APLP1: variants seen among roughly 807,000 people sequenced by gnomAD.
APLP1 encodes amyloid beta (A4) precursor-like protein 1.
Under a neutral mutation model 84.5 loss-of-function variants are expected in APLP1, and 46 were observed. The ratio of observed to expected loss-of-function variants is 0.54; its 90% CI spans 0.43 to 0.70. The LOEUF is 0.70. APLP1 is among the 30% of genes least tolerant of loss of function. APLP1 has a pLI of 0.00. For missense variants in APLP1, 826 were observed against 900.2 expected, an observed-to-expected ratio of 0.92 and a Z score of 1.05; for synonymous variants, 376 against 364.0, an observed-to-expected ratio of 1.03 and a Z score of -0.38.
At chr19:35,873,151 C>T (rs577164263) in intron 7 of APLP1, among the ~76,000 whole-genome samples, 68 of 152,040 alleles carry the variant, frequency 4.5e-4, no homozygotes, top group African/African-American at 1.6e-3. Flanking sequence ...TGAGCCACCA[C>T]GCCTGGCCTC....
chr19:35,871,979 G>A lies in APLP1; in HGVS notation c.793G>A (p.Glu265Lys). 6.2e-7 allele frequency: 1 copy of A among 1,614,170 alleles called. No individual in the cohort carries two copies. Among genetic ancestry groups the A allele is most frequent in the East Asian group, 2.2e-5 (1 of 44,874 alleles). ...CTTCGTGGAGCCTCCGCAGGCTGAA[G>A]AGGAAGAGGAAACGGTCCCACCCCC... ...DYFVEPPQAE[E>K]EEETVPPPSS... The change falls in exon 6 of 17, where the codon GAG (glutamate) becomes AAG (lysine). Residue 265 changes from glutamate (E) to lysine (K), a missense_variant. This residue lies in a region of APLP1 where 383 missense variants were observed against 378.3 expected (regional missense o/e 1.01). Transcript: ENST00000221891.
intron 13 of APLP1, 146 bp from the exon 14 acceptor site, chr19:35,878,438 C>A: frequency 1.3e-6 from 1 of 789,418 alleles, no homozygotes; most frequent in Non-Finnish European, 2.1e-6. Context: ...CCCAGCTGCT[C>A]AGGAGGCTGA....
chr19:35,869,320 G>C (rs1027746762), intron 1 of APLP1: 1 of 539,488 alleles, frequency 1.9e-6, no homozygotes, highest in Admixed American at 3.8e-5. Context: ...GCAAGGGATG[G>C]AGGGAGGAGG....
intron 11 of APLP1, among the ~76,000 whole-genome samples, chr19:35,877,512 A>C (rs866259398): frequency 3.3e-5 from 5 of 151,312 alleles, no homozygotes; most frequent in Admixed American, 6.6e-5. Flanking sequence ...CAAAAAAAAA[A>C]CATAATCTTG....
In APLP1 at chr19:35,874,814, A is replaced by T; in HGVS notation, c.1289A>T (p.His430Leu). Residue 430 changes from histidine to leucine, a missense_variant, in exon 10 of 17, where the codon CAC (histidine) becomes CTC (leucine). Transcript: ENST00000221891. This position sits in a 1 kb window ranked among gnomAD's most constrained non-coding sequence, Gnocchi z 6.4. ...AAGGAACAGAGGCACACGCTGCGCC[A>T]CTACCAGCATGTGGCCGCCGTGGAT... ...EQKEQRHTLR[H>L]YQHVAAVDPE... 6.2e-7 allele frequency: 1 copy of T among 1,612,640 alleles called. No homozygotes were observed. Among genetic ancestry groups the T allele is most frequent in the Non-Finnish European group, 8.5e-7 (1 of 1,180,000 alleles).
chr19:35,869,357 C>G, intron 1 of APLP1: 2 of 571,042 alleles, frequency 3.5e-6, no homozygotes, highest in Non-Finnish European at 6.1e-6. Flanking sequence ...TTCTGGCCTC[C>G]TCCTCCGCGA....
Position 35,869,803 on chromosome 19 carries a change from G to T in APLP1, c.284G>T (p.Cys95Phe), listed in dbSNP as rs948453097. The change falls in exon 2 of 17, where the codon TGC becomes TTC. Residue 95 changes from cysteine to phenylalanine, a missense_variant. Transcript: ENST00000221891. ...LRDPQRVLEY[C>F]RQMYPELQIA... ...GACCCGCAGCGCGTGCTGGAGTACTGCAGACAGGTGGGCGGGGCCGAACGG... is the reference window on the plus strand; with the variant it reads ...GACCCGCAGCGCGTGCTGGAGTACTTCAGACAGGTGGGCGGGGCCGAACGG... 4 of 1,596,096 alleles carry T rather than the reference G, an allele frequency of 2.5e-6. No individual in the cohort carries two copies. Among genetic ancestry groups the T allele is most frequent in the Non-Finnish European group, 3.4e-6 (4 of 1,172,714 alleles).
Position 35,878,938 on chromosome 19 carries a change from C to T in APLP1, c.1699C>T (p.Gln567Ter). The change falls in exon 15 of 17, where the codon CAG (glutamine) becomes TAG (stop). Residue 567 changes from glutamine to a stop codon, truncating the protein, a stop_gained. Transcript: ENST00000221891. LOFTEE classifies it high-confidence loss of function. Reference protein sequence around the residue: ...RGFPFHSSEIQRDELAPAGTG... With the variant: ...RGFPFHSSEI ...TTTCCCTTTCCACTCATCGGAGATT[C>T]AGAGGGATGAGCTGGTAAGAGGAGG... is the stretch of plus-strand genomic sequence containing the variant. 6.2e-7 allele frequency: 1 copy of T among 1,614,108 alleles called. No homozygotes were observed. The highest frequency in any genetic ancestry group is 8.5e-7 in the Non-Finnish European group (1 of 1,180,018).
intron 6 of APLP1, 135 bp from the exon 7 acceptor site, chr19:35,872,348 T>C: frequency 8.1e-7 from 1 of 1,239,534 alleles, no homozygotes; most frequent in East Asian, 2.4e-5. Context: ...ACATCTCCCA[T>C]AATGCCAGGC....
At chr19:35,878,820 C>T in intron 14 of APLP1, 70 bp from the exon 15 acceptor site, 1 of 1,592,572 alleles carries the variant, frequency 6.3e-7, no homozygotes, top group Non-Finnish European at 8.6e-7. Flanking sequence ...GGGGGACGCT[C>T]TCTTGGGCCC....
chr19:35,879,775 A>C lies in APLP1; in HGVS notation c.*334A>C. The C allele has an allele frequency of 3.1e-5, 8 of 260,276 alleles. No homozygotes were observed. Among genetic ancestry groups the C allele is most frequent in the East Asian group, 8.8e-5 (1 of 11,302 alleles). 16.1% of individuals were successfully genotyped at this position (260,276 alleles called of 1,614,324 possible). A position where few individuals can be genotyped will look rare whatever the true frequency, so the allele number is the denominator to read the frequency against. Reference sequence around the variant, plus strand: ...ATGTTTCCCTACTAACATCCCAATAAAGTCCTCTTCCCTACCAGGCCAGTC... The same window carrying C: ...ATGTTTCCCTACTAACATCCCAATACAGTCCTCTTCCCTACCAGGCCAGTC... On this transcript the variant is annotated 3_prime_UTR_variant, in exon 17 of 17. Transcript: ENST00000221891.
intron 6 of APLP1, 55 bp from the exon 7 acceptor site, chr19:35,872,428 A>G (rs1458320596): frequency 2.5e-6 from 4 of 1,580,770 alleles, no homozygotes; most frequent in Non-Finnish European, 3.4e-6. Flanking sequence ...CTCTAGGTAG[A>G]AAAGGCGACC....
chr19:35,871,196 G>A lies in APLP1; in HGVS notation c.425-41G>A, dbSNP rs757635951. The A allele has an allele frequency of 1.9e-6, 3 of 1,590,980 alleles. No individual in the cohort carries two copies. The Admixed American group carries it at 5.2e-5, about 27-fold the overall frequency. ...GATTCTGAGGAGGGTGGGGTTGGTG[G>A]CTATAGGAGGATCTCACCCTGGTGT... On this transcript the variant is annotated intron_variant, in intron 3 of 16. Coordinates refer to ENST00000221891, the MANE Select transcript of APLP1 (RefSeq NM_001024807.3).
rs1273833840 is a variant in APLP1 at position 35,875,995 on chromosome 19, A to G, written c.1345-522A>G. 2.8e-3 allele frequency among the ~76,000 whole-genome samples: 276 copies of G among 100,292 alleles called. No homozygotes were observed. The Middle Eastern group carries it at 0.03, about 11-fold the overall frequency. The allele number at this position is 100,292 out of a possible 152,430, so 65.8% of individuals were successfully genotyped here. The stretch of plus-strand genomic sequence containing the variant: ...TTGCCATGTTGCCCAGGCTAGTCTC[A>G]AACTCCTGACCTCAGGTGATCTGCC... On this transcript the variant is annotated intron_variant, in intron 10 of 16. Coordinates refer to ENST00000221891, the MANE Select transcript of APLP1 (RefSeq NM_001024807.3).
At chr19:35,875,741 G>C (rs1029763811) in intron 10 of APLP1, among the ~76,000 whole-genome samples, 1 of 148,546 alleles carries the variant, frequency 6.7e-6, no homozygotes. Flanking sequence ...GATTACAGGC[G>C]TGAGCCACCA....
At chr19:35,877,677 A>G (rs368214457) in intron 11 of APLP1, 41 bp from the exon 12 acceptor site, 41 of 1,481,282 alleles carry the variant, frequency 2.8e-5, no homozygotes, top group Non-Finnish European at 3.7e-5. Context: ...ACTCACCCCT[A>G]TGCTCACTAC....
chr19:35,869,544 G>A, intron 1 of APLP1, 123 bp from the exon 2 acceptor site: 1 of 1,333,468 alleles, frequency 7.5e-7, no homozygotes, highest in Non-Finnish European at 1.0e-6. Flanking sequence ...CTCCATGGAG[G>A]CGGTGTGCGG....
chr19:35,868,912 A>G lies in APLP1; in HGVS notation c.147+129A>G, dbSNP rs1203930351. On this transcript the variant is annotated intron_variant, in intron 1 of 16. Transcript: ENST00000221891. This position sits in a 1 kb window ranked among gnomAD's most constrained non-coding sequence, Gnocchi z 5.2. Reference sequence around the variant, plus strand: ...GGTGGTCAGCCCCCAGGCGCCCCCAATCACATTTATGAACCCAGGGTTCCA... The same window carrying G: ...GGTGGTCAGCCCCCAGGCGCCCCCAGTCACATTTATGAACCCAGGGTTCCA... 19 of 772,558 alleles carry G rather than the reference A, an allele frequency of 2.5e-5. No homozygotes were observed. Among genetic ancestry groups the G allele is most frequent in the Admixed American group, 4.4e-5 (1 of 22,486 alleles). The allele number at this position is 772,558 out of a possible 1,614,324, so 47.9% of individuals were successfully genotyped here. A position where few individuals can be genotyped will look rare whatever the true frequency, so the allele number is the denominator to read the frequency against.
intron 6 of APLP1, 86 bp from the exon 7 acceptor site, chr19:35,872,397 T>G: frequency 3.9e-6 from 6 of 1,542,276 alleles, no homozygotes; most frequent in Non-Finnish European, 5.2e-6. Flanking sequence ...TGGTCTCCAG[T>G]GCACTCTAGG....
Sources: gnomAD v4.1 joint callset for allele counts (sites outside exome capture counted in the v4.1 genomes callset) on GRCh38, gnomAD v4.1.1 for gene constraint, gnomAD v4.1.1 regional missense constraint, Gnocchi (gnomAD v3.1) non-coding constraint, MANE v1.5 for transcripts, NCBI Gene and HGNC (gene_info 2026-07-23, HGNC 2026-07-21) for gene names.